Variants in BPTF observed in about 807,000 individuals in gnomAD.
BPTF encodes the protein bromodomain PHD finger transcription factor.
Under a neutral mutation model 292.5 loss-of-function variants are expected in BPTF, and 18 were observed. That is an observed-to-expected ratio of 0.06 (90% CI 0.04 to 0.09). The LOEUF (loss-of-function observed/expected upper bound fraction) is 0.09. Among genes scored for constraint, BPTF ranks in the 10% least tolerant of loss-of-function variants. The pLI is 1.00. For missense variants in BPTF, 2,726 were observed against 3,498.7 expected, an observed-to-expected ratio of 0.78 and a Z score of 5.57; for synonymous variants, 1,225 against 1,251.9, an observed-to-expected ratio of 0.98 and a Z score of 0.45.
At chr17:67,879,142 T>C (rs1386793913) in intron 4 of BPTF, among the ~76,000 whole-genome samples, 1 of 140,428 alleles carries the variant, frequency 7.1e-6, no homozygotes, top group Non-Finnish European at 1.6e-5. Context: ...ATTTCTTTTT[T>C]TTTTTTTTTT....
chr17:67,911,434 T>A lies in BPTF; in HGVS notation c.3550T>A (p.Ser1184Thr). The A allele has an allele frequency of 6.2e-7, 1 of 1,613,986 alleles. No individual in the cohort carries two copies. Among genetic ancestry groups the A allele is most frequent in the Non-Finnish European group, 8.5e-7 (1 of 1,179,962 alleles). ...AGAAACAAAATGTCCGAAACAAAATTCCATTGAAAATGACATAGAAGAAAA... is the reference window on the plus strand; with the variant it reads ...AGAAACAAAATGTCCGAAACAAAATACCATTGAAAATGACATAGAAGAAAA... ...SPETKCPKQN[S>T]IENDIEEKVS... Residue 1184 changes from serine (S) to threonine (T), a missense_variant, in exon 11 of 28, where the codon TCC (serine) becomes ACC (threonine). Ser to Thr is a moderately conservative substitution (Grantham distance 58, BLOSUM62 1). This residue lies in a region of BPTF where 713 missense variants were observed against 714.9 expected (regional missense o/e 1.00). Transcript: ENST00000306378.
chr17:67,938,761 G>A (rs773546896), intron 18 of BPTF, among the ~76,000 whole-genome samples: 6 of 152,176 alleles, frequency 3.9e-5, no homozygotes, highest in South Asian at 2.1e-4. Context: ...TAGTCTGGCC[G>A]CATTTTTTAA....
rs2061468320 is a variant in BPTF at position 67,896,543 on chromosome 17, A to C, written c.2543+2378A>C. The stretch of plus-strand genomic sequence containing the variant: ...AAAGAAAAAACAGTTCCATCACTAA[A>C]AATACATCAGGATAAATCTATATAC... On this transcript the variant is annotated intron_variant, in intron 7 of 27. Transcript: ENST00000306378. Among the ~76,000 whole-genome samples, 3 of 152,358 alleles carry C rather than the reference A, an allele frequency of 2.0e-5. No individual in the cohort carries two copies. The South Asian group carries it at 6.2e-4, about 32-fold the overall frequency.
At chr17:67,932,238 A>G (rs1417937222) in intron 18 of BPTF, among the ~76,000 whole-genome samples, 1 of 152,272 alleles carries the variant, frequency 6.6e-6, no homozygotes, top group African/African-American at 2.4e-5. Context: ...AATGTAACAG[A>G]AATCACTAAT....
chr17:67,892,112 GGAAATTTGTA>G (rs2061154404), intron 5 of BPTF, 78 bp downstream of exon 5: 4 of 1,139,850 alleles, frequency 3.5e-6, no homozygotes, highest in East Asian at 2.9e-5. Flanking sequence ...AATAGGGGCT[GGAAATTTGTA>G]GAAATTTGTA....
chr17:67,929,192 C>T (rs772255159), intron 16 of BPTF, 144 bp from the exon 17 acceptor site: 13 of 1,414,538 alleles, frequency 9.2e-6, no homozygotes, highest in Middle Eastern at 3.9e-4. Context: ...ATCTCCTTTT[C>T]ACTGATTTCA....
chr17:67,925,911 T>A (rs1415514006), intron 15 of BPTF, among the ~76,000 whole-genome samples: 1 of 151,716 alleles, frequency 6.6e-6, no homozygotes, highest in Non-Finnish European at 1.5e-5. Context: ...AACCCAAATA[T>A]CTATAACAAC....
chr17:67,947,798 G>T lies in BPTF; in HGVS notation c.7690G>T (p.Glu2564Ter). 6.4e-7 allele frequency: 1 copy of T among 1,552,270 alleles called. No individual in the cohort carries two copies. The highest frequency in any genetic ancestry group is 1.2e-5 in the South Asian group (1 of 84,058). ...GAGCATGACTCCAGCTGAAAGAGAA[G>T]AGAATCAAAGGTAGGGGAGACGCAG... Reference protein sequence around the residue: ...KKSMTPAEREENQRMIVCNQV... With the variant: ...KKSMTPAERE The change falls in exon 22 of 28, where the codon GAG becomes TAG. Residue 2564 changes from glutamate to a stop codon, truncating the protein, a stop_gained. Transcript: ENST00000306378. LOFTEE classifies it high-confidence loss of function.
chr17:67,883,060 A>T (rs1031709397), intron 4 of BPTF, among the ~76,000 whole-genome samples: 2 of 151,832 alleles, frequency 1.3e-5, no homozygotes, highest in Non-Finnish European at 2.9e-5. Flanking sequence ...TCACGCCTAT[A>T]ATCCCAGCGC....
At chr17:67,885,772 C>T (rs761380956) in intron 4 of BPTF, among the ~76,000 whole-genome samples, 85 of 152,188 alleles carry the variant, frequency 5.6e-4, no homozygotes, top group African/African-American at 1.6e-3. Context: ...ACTACCTCTG[C>T]AATATCTGGC....
At chr17:67,860,236 T>C (rs1901434185) in intron 2 of BPTF, among the ~76,000 whole-genome samples, 1 of 152,212 alleles carries the variant, frequency 6.6e-6, no homozygotes, top group Admixed American at 6.5e-5. Flanking sequence ...TTGACAAATC[T>C]GAAAGATTTT....
chr17:67,944,548 C>A, intron 20 of BPTF, 176 bp downstream of exon 20: 1 of 661,120 alleles, frequency 1.5e-6, no homozygotes, highest in Non-Finnish European at 2.5e-6. Context: ...CCTATTCTTA[C>A]AGACTCCCTG....
chr17:67,868,233 C>G (rs2145525166), intron 3 of BPTF, among the ~76,000 whole-genome samples: 1 of 152,222 alleles, frequency 6.6e-6, no homozygotes, highest in East Asian at 1.9e-4. Flanking sequence ...AAATGAATCT[C>G]TCTCCTTCAA....
intron 18 of BPTF, among the ~76,000 whole-genome samples, chr17:67,936,205 T>G (rs2064902498): frequency 6.6e-6 from 1 of 152,186 alleles, no homozygotes; most frequent in African/African-American, 2.4e-5. Flanking sequence ...AGCAGGGTTT[T>G]TTGTTGTTGT....
At chr17:67,883,951 T>C (rs1426120879) in intron 4 of BPTF, among the ~76,000 whole-genome samples, 1 of 152,192 alleles carries the variant, frequency 6.6e-6, no homozygotes, top group Non-Finnish European at 1.5e-5. Flanking sequence ...TTGTATTTCC[T>C]CCTCTTCTCA....
rs782112255 is a variant in BPTF at position 67,945,713 on chromosome 17, C to T, written c.7005C>T (p.Val2335=). The part of the protein sequence containing the change: ...VAAQSQPQSN[V]QGQSPVRVQS... ...CACAGTCTCAGCCTCAAAGTAATGT[C>T]CAAGGACAGTCTCCTGTTCGTGTCC... is the stretch of plus-strand genomic sequence containing the variant. Residue 2335 remains valine (V), a synonymous_variant, in exon 21 of 28, where the codon GTC becomes GTT. Coordinates refer to ENST00000306378, the MANE Select transcript of BPTF (RefSeq NM_182641.4). 1.2e-6 allele frequency: 2 copies of T among 1,614,164 alleles called. No individual in the cohort carries two copies. The highest frequency in any genetic ancestry group is 3.3e-5 in the Admixed American group (2 of 60,006).
At chr17:67,917,807 A>AT (rs1412448868) in intron 11 of BPTF, among the ~76,000 whole-genome samples, 8 of 150,840 alleles carry the variant, frequency 5.3e-5, no homozygotes, top group Non-Finnish European at 1.0e-4. Flanking sequence ...TAAGTTTTGT[A>AT]TTTTTTGTTT....
chr17:67,929,412 A>T lies in BPTF; in HGVS notation c.6075A>T (p.Ser2025=). 9 of 1,614,152 alleles carry T rather than the reference A, an allele frequency of 5.6e-6. No homozygotes were observed. Among genetic ancestry groups the T allele is most frequent in the Non-Finnish European group, 6.8e-6 (8 of 1,180,020 alleles). Residue 2025 remains serine (S), a synonymous_variant, in exon 17 of 28, where the codon TCA becomes TCT. Transcript: ENST00000306378. ...STGTSQQTFT[S]FQPRTATVTI... ...GTACCAGTCAGCAAACCTTTACTTC[A>T]TTCCAGCCCAGGACAGCAACAGTCA...
intron 26 of BPTF, among the ~76,000 whole-genome samples, chr17:67,968,597 T>G (rs576699049): frequency 6.0e-5 from 9 of 150,132 alleles, no homozygotes; most frequent in Non-Finnish European, 8.8e-5. Context: ...GCTAACACGG[T>G]GAAACCCCGT....
Sources: allele counts gnomAD v4.1 joint callset (sites outside exome capture counted in the v4.1 genomes callset), GRCh38; gene constraint gnomAD v4.1.1; regional missense constraint gnomAD v4.1.1; transcripts MANE v1.5; gene names NCBI Gene and HGNC (gene_info 2026-07-23, HGNC 2026-07-21).